Variants in CREB5 observed in about 807,000 individuals in gnomAD.
CREB5 encodes the protein cyclic AMP-responsive element-binding protein 5.
A neutral mutation model predicts 57.1 loss-of-function variants in CREB5; 19 were observed. That is an observed-to-expected ratio of 0.33 (90% CI 0.23 to 0.49). CREB5 has a LOEUF of 0.49. Ranked by LOEUF, CREB5 falls within the 20% of genes least tolerant of loss-of-function variation. CREB5 has a pLI of 0.99. For missense variants in CREB5, 579 were observed against 671.6 expected (o/e 0.86, Z 1.52); for synonymous variants, 238 against 238.3 (o/e 1.00, Z 0.01).
intron 4 of CREB5, among the ~76,000 whole-genome samples, chr7:28,569,442 A>G (rs772605215): frequency 6.6e-5 from 10 of 152,104 alleles, no homozygotes; most frequent in Non-Finnish European, 1.0e-4. Context: ...TTTCTTTTCT[A>G]TGAAGACCTA....
intron 1 of CREB5, among the ~76,000 whole-genome samples, chr7:28,462,522 C>T (rs939070692): frequency 4.6e-5 from 7 of 152,108 alleles, no homozygotes; most frequent in Non-Finnish European, 1.0e-4. Flanking sequence ...GTGGCTGCCC[C>T]GTTTTACAAA....
chr7:28,326,938 A>G (rs1315185229), intron 1 of CREB5, among the ~76,000 whole-genome samples: 1 of 152,138 alleles, frequency 6.6e-6, no homozygotes, highest in Non-Finnish European at 1.5e-5. Flanking sequence ...TCACGAGGTC[A>G]GGAGTTCAAG....
chr7:28,301,284 T>C (rs1785094718), intron 1 of CREB5, among the ~76,000 whole-genome samples: 1 of 152,186 alleles, frequency 6.6e-6, no homozygotes, highest in Non-Finnish European at 1.5e-5. Flanking sequence ...AAGAATCCAC[T>C]CACTCTAGAC....
intron 7 of CREB5, among the ~76,000 whole-genome samples, chr7:28,752,962 T>G (rs1805072866): frequency 6.6e-6 from 1 of 151,906 alleles, no homozygotes; most frequent in African/African-American, 2.4e-5. Flanking sequence ...TGGAAATAAA[T>G]TCTCAGAGAT....
intron 7 of CREB5, among the ~76,000 whole-genome samples, chr7:28,762,654 A>G (rs552410765): frequency 6.6e-6 from 1 of 152,298 alleles, no homozygotes; most frequent in East Asian, 1.9e-4. Flanking sequence ...CAAAAATCCA[A>G]TAAACCTAAG....
chr7:28,442,290 G>T (rs996080402), intron 1 of CREB5, among the ~76,000 whole-genome samples: 1 of 152,050 alleles, frequency 6.6e-6, no homozygotes, highest in Non-Finnish European at 1.5e-5. Context: ...TTTTATGACT[G>T]AATAGTATTC....
intron 5 of CREB5, chr7:28,686,145 G>A (rs772564569): frequency 1.4e-5 from 22 of 1,613,874 alleles, no homozygotes; most frequent in Non-Finnish European, 1.9e-5. Context: ...TCATTCCAGA[G>A]CTCTCATGTT....
chr7:28,735,073 T>A (rs917263226), intron 7 of CREB5, among the ~76,000 whole-genome samples: 2 of 152,218 alleles, frequency 1.3e-5, no homozygotes, highest in African/African-American at 4.8e-5. Context: ...TCTCTAAGAC[T>A]AAATGCATGA....
At chr7:28,711,490 T>G (rs1303060709) in intron 5 of CREB5, among the ~76,000 whole-genome samples, 1 of 152,236 alleles carries the variant, frequency 6.6e-6, no homozygotes, top group Non-Finnish European at 1.5e-5. Context: ...AAGATTTGGT[T>G]CGGAACATGA....
chr7:28,665,207 G>T (rs1351543580), intron 5 of CREB5, among the ~76,000 whole-genome samples: 3 of 152,180 alleles, frequency 2.0e-5, no homozygotes, highest in Non-Finnish European at 2.9e-5. Flanking sequence ...ATCAGGGAGG[G>T]CCAAGGAGGT....
At chr7:28,639,075 C>T (rs1187645155) in intron 5 of CREB5, among the ~76,000 whole-genome samples, 11 of 152,286 alleles carry the variant, frequency 7.2e-5, no homozygotes, top group Admixed American at 2.0e-4. Context: ...AGTTGTTCCA[C>T]GCCACACTTC....
intron 7 of CREB5, among the ~76,000 whole-genome samples, chr7:28,736,037 G>A (rs573506366): frequency 9.9e-5 from 15 of 152,146 alleles, no homozygotes; most frequent in African/African-American, 2.2e-4. Context: ...GGCCTCAAGC[G>A]ATCCTCACAT....
intron 1 of CREB5, among the ~76,000 whole-genome samples, chr7:28,476,149 G>A (rs764712359): frequency 3.3e-5 from 5 of 152,196 alleles, no homozygotes; most frequent in Non-Finnish European, 7.3e-5. Context: ...TGTCTCCGAG[G>A]TCCTTCTCGG....
intron 1 of CREB5, among the ~76,000 whole-genome samples, chr7:28,381,181 G>C (rs1302753401): frequency 6.6e-6 from 1 of 152,140 alleles, no homozygotes; most frequent in Non-Finnish European, 1.5e-5. Context: ...ATCAAGATTA[G>C]GGTGAACATG....
intron 5 of CREB5, among the ~76,000 whole-genome samples, chr7:28,688,187 C>A (rs893719753): frequency 6.6e-6 from 1 of 152,014 alleles, no homozygotes; most frequent in African/African-American, 2.4e-5. Flanking sequence ...GGCAAAAAAA[C>A]AAACATGGTA....
intron 6 of CREB5, among the ~76,000 whole-genome samples, chr7:28,721,559 A>G (rs777007760): frequency 5.9e-5 from 9 of 152,242 alleles, no homozygotes; most frequent in Non-Finnish European, 1.3e-4. Context: ...GTCTGTGTCT[A>G]TAAGTGAGGA....
intron 4 of CREB5, among the ~76,000 whole-genome samples, chr7:28,509,773 A>G (rs1476543905): frequency 6.6e-6 from 1 of 152,164 alleles, no homozygotes; most frequent in Non-Finnish European, 1.5e-5. Flanking sequence ...CTCTCTTTTA[A>G]GTGTTGCTCA....
intron 4 of CREB5, among the ~76,000 whole-genome samples, chr7:28,538,487 CTT>C (rs1054713263): frequency 2.0e-5 from 3 of 152,136 alleles, no homozygotes; most frequent in African/African-American, 7.2e-5. Context: ...TGACTCTTCT[CTT>C]TTTTTCTTTC....
intron 1 of CREB5, among the ~76,000 whole-genome samples, chr7:28,352,111 T>G (rs534893080): frequency 6.6e-6 from 1 of 152,382 alleles, no homozygotes; most frequent in African/African-American, 2.4e-5. Context: ...AAAAATTATT[T>G]GTTATAATAA....
Sources: gnomAD v4.1 joint callset for allele counts (sites outside exome capture counted in the v4.1 genomes callset) on GRCh38, gnomAD v4.1.1 for gene constraint, MANE v1.5 for transcripts, NCBI Gene and HGNC (gene_info 2026-07-23, HGNC 2026-07-21) for gene names.